Variants in RSRC1 observed in about 807,000 individuals in gnomAD.
RSRC1 encodes the protein arginine and serine rich coiled-coil 1.
RSRC1 carries 39 observed loss-of-function variants against 49.1 expected under a neutral mutation model. The ratio of observed to expected loss-of-function variants is 0.79; its 90% CI spans 0.61 to 1.04. RSRC1 has a LOEUF of 1.04. RSRC1 is among the 50% of genes least tolerant of loss of function. The probability of loss-of-function intolerance (pLI) is 0.00; values close to 1 mark genes in which losing one functional copy is unlikely to be tolerated. For missense variants in RSRC1, 388 were observed against 402.4 expected, an observed-to-expected ratio of 0.96 and a Z score of 0.31; for synonymous variants, 143 against 130.8, an observed-to-expected ratio of 1.09 and a Z score of -0.63.
chr3:158,212,644 A>C (rs1377513332), intron 4 of RSRC1, among the ~76,000 whole-genome samples: 1 of 151,858 alleles, frequency 6.6e-6, no homozygotes, highest in Non-Finnish European at 1.5e-5. Context: ...TTTCATTGAG[A>C]TCTTTAACTG....
At chr3:158,149,186 T>C (rs774846517) in intron 3 of RSRC1, among the ~76,000 whole-genome samples, 1 of 152,368 alleles carries the variant, frequency 6.6e-6, no homozygotes, top group East Asian at 1.9e-4. Flanking sequence ...TAGTTTCTTT[T>C]TACTCTTAAG....
At chr3:158,448,308 T>C (rs12493128) in intron 6 of RSRC1, among the ~76,000 whole-genome samples, 32,641 of 151,718 alleles carry the variant, frequency 0.22, 4,100 homozygotes, top group Non-Finnish European at 0.29. Context: ...ATGTTTTCAA[T>C]TTTTTTTACT....
intron 6 of RSRC1, among the ~76,000 whole-genome samples, chr3:158,363,275 T>G (rs1424400010): frequency 1.3e-5 from 2 of 151,586 alleles, no homozygotes; most frequent in Non-Finnish European, 2.9e-5. Context: ...TTTTCTTTTT[T>G]TTTTTTTTGA....
intron 6 of RSRC1, among the ~76,000 whole-genome samples, chr3:158,374,669 A>G (rs528371137): frequency 6.6e-6 from 1 of 152,310 alleles, no homozygotes; most frequent in African/African-American, 2.4e-5. Flanking sequence ...TATCTGATTT[A>G]AGAACCTTAT....
intron 6 of RSRC1, among the ~76,000 whole-genome samples, chr3:158,361,046 C>T (rs1044080852): frequency 2.6e-5 from 4 of 152,152 alleles, no homozygotes; most frequent in African/African-American, 7.2e-5. Flanking sequence ...AGGGGTGGCC[C>T]GGAGCTCCTC....
At chr3:158,333,343 G>A (rs73013322) in intron 5 of RSRC1, among the ~76,000 whole-genome samples, 8,702 of 152,130 alleles carry the variant, frequency 0.057, 845 homozygotes, top group African/African-American at 0.2. Context: ...AATCTTTTGT[G>A]TTTTGCCTTT....
Position 158,337,234 on chromosome 3 carries a change from C to T in RSRC1, c.532-17623C>T, listed in dbSNP as rs188628681. Among the ~76,000 whole-genome samples, 254 of 152,338 alleles carry T rather than the reference C, an allele frequency of 1.7e-3. 1 individual carries two copies. Among genetic ancestry groups the T allele is most frequent in the African/African-American group, 5.8e-3 (243 of 41,582 alleles). ...CTCATTCCACATCCTCATTCCACCT[C>T]CTTCTGAGTGGGGCTGCAGAAGTCC... is the stretch of plus-strand genomic sequence containing the variant. On this transcript the variant is annotated intron_variant, in intron 5 of 9. Coordinates refer to ENST00000611884, the MANE Select transcript of RSRC1 (RefSeq NM_001271838.2).
At chr3:158,199,108 T>G (rs898645111) in intron 3 of RSRC1, among the ~76,000 whole-genome samples, 1 of 152,170 alleles carries the variant, frequency 6.6e-6, no homozygotes. Context: ...TGATTGGGTC[T>G]CATGAGATCT....
At chr3:158,301,768 A>C (rs961128526) in intron 5 of RSRC1, among the ~76,000 whole-genome samples, 2 of 152,108 alleles carry the variant, frequency 1.3e-5, no homozygotes, top group East Asian at 3.9e-4. Context: ...TTTGCATTCA[A>C]TTTAGGTGTC....
chr3:158,194,370 CT>C (rs987710898), intron 3 of RSRC1, among the ~76,000 whole-genome samples: 2 of 150,792 alleles, frequency 1.3e-5, no homozygotes, highest in African/African-American at 2.4e-5. Flanking sequence ...GAAGAAATTT[CT>C]TTTTTTTAAA....
At chr3:158,292,047 C>T (rs1046619015) in intron 4 of RSRC1, among the ~76,000 whole-genome samples, 5 of 152,150 alleles carry the variant, frequency 3.3e-5, no homozygotes, top group East Asian at 1.9e-4. Flanking sequence ...CATCTTCTCA[C>T]GCCTAAGATT....
At chr3:158,310,252 T>C (rs1212739) in intron 5 of RSRC1, among the ~76,000 whole-genome samples, 72,898 of 151,348 alleles carry the variant, frequency 0.48, 18,190 homozygotes, top group East Asian at 0.64. Context: ...AAATATTTAA[T>C]CTTTCTCCCC....
intron 4 of RSRC1, among the ~76,000 whole-genome samples, chr3:158,261,832 G>T (rs983845129): frequency 6.6e-6 from 1 of 152,182 alleles, no homozygotes; most frequent in African/African-American, 2.4e-5. Context: ...CAAACTCAGG[G>T]CTCCCATTAA....
At chr3:158,435,213 T>G (rs544896450) in intron 6 of RSRC1, among the ~76,000 whole-genome samples, 1 of 151,966 alleles carries the variant, frequency 6.6e-6, no homozygotes, top group Admixed American at 6.6e-5. Context: ...AAGTGAAATC[T>G]CTTGCATTTT....
In RSRC1 at chr3:158,156,476, C is replaced by T. The variant is rs1008944984; in HGVS notation, c.320+32485C>T. Among the ~76,000 whole-genome samples the T allele has an allele frequency of 3.1e-4, 47 of 152,168 alleles. 1 individual carries two copies. Among genetic ancestry groups the T allele is most frequent in the Non-Finnish European group, 2.9e-5 (2 of 68,040 alleles). ...ATATTTTTTGAGAACTTTTCCTTCG[C>T]ATTAACAAGTTAGCTAACTTTTCAG... On this transcript the variant is annotated intron_variant, in intron 3 of 9. Coordinates refer to ENST00000611884, the MANE Select transcript of RSRC1 (RefSeq NM_001271838.2).
At chr3:158,318,608 A>G (rs1416555872) in intron 5 of RSRC1, among the ~76,000 whole-genome samples, 2 of 152,150 alleles carry the variant, frequency 1.3e-5, no homozygotes, top group Non-Finnish European at 2.9e-5. Context: ...AAAAAGGACC[A>G]CATCACCCCC....
intron 7 of RSRC1, among the ~76,000 whole-genome samples, chr3:158,487,497 T>G (rs1241058226): frequency 6.6e-6 from 1 of 152,172 alleles, no homozygotes; most frequent in Non-Finnish European, 1.5e-5. Context: ...ATTGTCTATT[T>G]GATGAACTTG....
In RSRC1 at chr3:158,413,627, G is replaced by A. The variant is rs187353238; in HGVS notation, c.584-47308G>A. Among the ~76,000 whole-genome samples the A allele has an allele frequency of 2.2e-4, 31 of 143,946 alleles. No homozygotes were observed. The East Asian group carries it at 3.2e-3, about 15-fold the overall frequency. The allele number at this position is 143,946 out of a possible 152,430, so 94.4% of individuals were successfully genotyped here. On this transcript the variant is annotated intron_variant, in intron 6 of 9. Transcript: ENST00000611884. ...CTAATATCCAGAATGTACAAGAAACGTAAACAAAATTACAAGAGAAAAAAA... is the reference window on the plus strand; with the variant it reads ...CTAATATCCAGAATGTACAAGAAACATAAACAAAATTACAAGAGAAAAAAA...
intron 6 of RSRC1, among the ~76,000 whole-genome samples, chr3:158,458,922 T>C (rs1414716046): frequency 1.3e-5 from 2 of 152,144 alleles, no homozygotes; most frequent in African/African-American, 4.8e-5. Context: ...AAAAAGAACA[T>C]TTTTTCCAGA....
Sources: allele counts gnomAD v4.1 joint callset (sites outside exome capture counted in the v4.1 genomes callset), GRCh38; gene constraint gnomAD v4.1.1; transcripts MANE v1.5; gene names NCBI Gene and HGNC (gene_info 2026-07-23, HGNC 2026-07-21).